The following VPS13B variants were observed in gnomAD, a reference collection of about 807,000 sequenced individuals.
The protein encoded by VPS13B is vacuolar protein sorting 13 homolog B, also known as intermembrane lipid transfer protein VPS13B.
VPS13B carries 285 observed loss-of-function variants against 426.4 expected under a neutral mutation model. The ratio of observed to expected loss-of-function variants is 0.67; its 90% CI spans 0.61 to 0.74. The LOEUF (loss-of-function observed/expected upper bound fraction) is 0.74, where lower values mean the gene tolerates loss of function less well. Among genes scored for constraint, VPS13B ranks in the 30% least tolerant of loss-of-function variants. The pLI, the probability that VPS13B is intolerant of heterozygous loss-of-function variation, is 0.00. For synonymous variants in VPS13B, 1,676 were observed against 1,676.4 expected (o/e 1.00, Z 0.01); for missense variants, 4,537 against 4,782.6 (o/e 0.95, Z 1.51).
chr8:99,095,518 AAAAC>A (rs895621449), intron 3 of VPS13B, among the ~76,000 whole-genome samples: 2 of 152,178 alleles, frequency 1.3e-5, no homozygotes, highest in Non-Finnish European at 2.9e-5. Flanking sequence ...TTATTACTTA[AAAAC>A]AAACAAACAA....
At chr8:99,698,273 C>G (rs1832115079) in intron 35 of VPS13B, among the ~76,000 whole-genome samples, 1 of 152,184 alleles carries the variant, frequency 6.6e-6, no homozygotes, top group South Asian at 2.1e-4. Context: ...TGCCTGACTC[C>G]AGAGGCCACT....
intron 35 of VPS13B, chr8:99,696,748 G>A (rs1192809512): frequency 7.5e-6 from 9 of 1,195,546 alleles, no homozygotes; most frequent in Non-Finnish European, 1.1e-5. Context: ...GGATGGGGGA[G>A]AGACCCAGCA....
At chr8:99,385,409 A>G (rs1370401145) in intron 20 of VPS13B, among the ~76,000 whole-genome samples, 1 of 152,338 alleles carries the variant, frequency 6.6e-6, no homozygotes, top group South Asian at 2.1e-4. Context: ...AGAATACACA[A>G]TTTTATAATT....
intron 33 of VPS13B, among the ~76,000 whole-genome samples, chr8:99,594,090 A>G (rs562152610): frequency 1.3e-5 from 2 of 152,072 alleles, no homozygotes; most frequent in South Asian, 4.1e-4. Flanking sequence ...AAAGGAAAAA[A>G]AAATGCTTTT....
At chr8:99,674,749 C>T (rs939158663) in intron 35 of VPS13B, among the ~76,000 whole-genome samples, 2 of 151,906 alleles carry the variant, frequency 1.3e-5, no homozygotes, top group African/African-American at 4.8e-5. Flanking sequence ...GCATGGTTAT[C>T]ATGAGGCATA....
chr8:99,877,545 A>G lies in VPS13B; in HGVS notation c.*1879A>G, dbSNP rs1419725752. The G allele has an allele frequency of 1.3e-5, 2 of 152,492 alleles. No individual in the cohort carries two copies. The highest frequency in any genetic ancestry group is 2.4e-5 in the African/African-American group (1 of 41,456). 9.4% of individuals were successfully genotyped at this position (152,492 alleles called of 1,614,324 possible). On this transcript the variant is annotated 3_prime_UTR_variant, in exon 62 of 62. Transcript: ENST00000357162. ...ACACATGAGTTTAAATGGGTAATAT[A>G]CAGGTTTTGTTATAATAAAGTTACT...
At chr8:99,337,234 A>G (rs1810951047) in intron 19 of VPS13B, among the ~76,000 whole-genome samples, 1 of 152,034 alleles carries the variant, frequency 6.6e-6, no homozygotes, top group Non-Finnish European at 1.5e-5. Flanking sequence ...GAAATTGGAA[A>G]TCATCATTCT....
intron 8 of VPS13B, among the ~76,000 whole-genome samples, chr8:99,124,136 G>C (rs766759801): frequency 6.6e-6 from 1 of 152,132 alleles, no homozygotes; most frequent in Non-Finnish European, 1.5e-5. Flanking sequence ...ATTGTAGGCA[G>C]AAAACCAAGA....
chr8:99,130,284 C>T (rs191446480), intron 8 of VPS13B, among the ~76,000 whole-genome samples: 7 of 151,930 alleles, frequency 4.6e-5, no homozygotes, highest in Non-Finnish European at 1.0e-4. Context: ...CATGTTTCTA[C>T]ATTAGCATTT....
chr8:99,038,595 T>C (rs770319357), intron 3 of VPS13B, 29 bp downstream of exon 3: 2 of 1,602,306 alleles, frequency 1.2e-6, no homozygotes, highest in Admixed American at 3.3e-5. Context: ...AAGTTGTTTA[T>C]GTTAACTAAT....
At chr8:99,057,971 C>G (rs1321064055) in intron 3 of VPS13B, among the ~76,000 whole-genome samples, 1 of 152,106 alleles carries the variant, frequency 6.6e-6, no homozygotes, top group Non-Finnish European at 1.5e-5. Flanking sequence ...TTTTCTAGTT[C>G]AGTGATTTTC....
intron 3 of VPS13B, among the ~76,000 whole-genome samples, chr8:99,082,536 C>T (rs945963727): frequency 6.6e-6 from 1 of 152,118 alleles, no homozygotes; most frequent in Non-Finnish European, 1.5e-5. Flanking sequence ...AAGTCCTTGC[C>T]CATGCCTGTG....
intron 51 of VPS13B, among the ~76,000 whole-genome samples, chr8:99,832,113 T>C (rs2130856436): frequency 6.6e-6 from 1 of 152,016 alleles, no homozygotes; most frequent in East Asian, 1.9e-4. Flanking sequence ...AATACAAAAA[T>C]TAGCCGGGCG....
intron 17 of VPS13B, among the ~76,000 whole-genome samples, chr8:99,220,504 T>G (rs969113466): frequency 1.3e-5 from 2 of 152,230 alleles, no homozygotes; most frequent in Non-Finnish European, 2.9e-5. Context: ...GTCAGAGTTG[T>G]TGTTAAACAT....
At chr8:99,088,887 C>T (rs1180137421) in intron 3 of VPS13B, among the ~76,000 whole-genome samples, 2 of 152,128 alleles carry the variant, frequency 1.3e-5, no homozygotes, top group African/African-American at 4.8e-5. Context: ...GTTACCTTGC[C>T]TTGTTCAACT....
intron 17 of VPS13B, among the ~76,000 whole-genome samples, chr8:99,248,488 TCTCTTTAGGA>T (rs1451367674): frequency 6.6e-6 from 1 of 152,162 alleles, no homozygotes; most frequent in East Asian, 1.9e-4. Context: ...GTACAATAAC[TCTCTTTAGGA>T]TAACTGTGAA....
At chr8:99,482,147 C>A (rs1234844921) in intron 25 of VPS13B, among the ~76,000 whole-genome samples, 1 of 152,050 alleles carries the variant, frequency 6.6e-6, no homozygotes, top group Non-Finnish European at 1.5e-5. Flanking sequence ...TTCCGCTACA[C>A]CTTTTTTGAA....
At chr8:99,511,003 C>A (rs1821762658) in intron 28 of VPS13B, 101 bp from the exon 29 acceptor site, 3 of 1,317,810 alleles carry the variant, frequency 2.3e-6, no homozygotes, top group Non-Finnish European at 3.2e-6. Context: ...AGGGTAAGAC[C>A]AAGAGGTAAA....
intron 21 of VPS13B, among the ~76,000 whole-genome samples, chr8:99,418,498 T>TCTTTCTTTCTTTCTTG (rs1563718935): frequency 4.2e-5 from 6 of 143,112 alleles, no homozygotes; most frequent in African/African-American, 1.7e-4. Context: ...TTTCTTTCTT[T>TCTTTCTTTCTTTCTTG]CTTTCTTTCT....
Sources: allele counts gnomAD v4.1 joint callset (sites outside exome capture counted in the v4.1 genomes callset), GRCh38; gene constraint gnomAD v4.1.1; transcripts MANE v1.5; gene names NCBI Gene and HGNC (gene_info 2026-07-23, HGNC 2026-07-21).